Variants in KCNH1 observed in about 807,000 individuals in gnomAD.
KCNH1 encodes the protein potassium voltage-gated channel subfamily H member 1, also known as voltage-gated delayed rectifier potassium channel KCNH1.
In KCNH1, 27 loss-of-function variants were observed where a neutral mutation model predicts 69.2. The observed-to-expected ratio is 0.39, with a 90% confidence interval of 0.29 to 0.54. The LOEUF is 0.54. KCNH1 is among the 20% of genes least tolerant of loss of function. The pLI is 0.68. For synonymous variants in KCNH1, 456 were observed against 487.7 expected (o/e 0.93, Z 0.86); for missense variants, 798 against 1,261.6 (o/e 0.63, Z 5.57).
At chr1:210,790,454 C>T (rs779979474) in intron 9 of KCNH1, among the ~76,000 whole-genome samples, 11 of 152,182 alleles carry the variant, frequency 7.2e-5, no homozygotes, top group Non-Finnish European at 1.6e-4. Flanking sequence ...CTGCTTACAA[C>T]CTTACAGACT....
At chr1:210,789,116 G>A (rs1472066921) in intron 9 of KCNH1, among the ~76,000 whole-genome samples, 4 of 152,166 alleles carry the variant, frequency 2.6e-5, no homozygotes, top group South Asian at 4.1e-4. Context: ...CTCCCTCTGT[G>A]CTAAGCATGA....
intron 7 of KCNH1, among the ~76,000 whole-genome samples, chr1:210,909,215 G>A (rs1333249107): frequency 1.3e-5 from 2 of 152,226 alleles, no homozygotes; most frequent in Non-Finnish European, 2.9e-5. Context: ...TTTTCTTCTT[G>A]ATATTTAGTT....
At chr1:210,897,102 T>C (rs747147365) in intron 7 of KCNH1, among the ~76,000 whole-genome samples, 22 of 152,196 alleles carry the variant, frequency 1.4e-4, no homozygotes, top group Non-Finnish European at 2.9e-4. Flanking sequence ...GAGCTCTCAC[T>C]AAGCCCATAC....
chr1:211,005,728 G>T (rs1261601904), intron 6 of KCNH1, among the ~76,000 whole-genome samples: 2 of 151,938 alleles, frequency 1.3e-5, no homozygotes, highest in Admixed American at 1.3e-4. Flanking sequence ...GCACATAAAT[G>T]AAAAATTGAT....
chr1:210,715,582 T>C (rs188103445), intron 10 of KCNH1, among the ~76,000 whole-genome samples: 3 of 152,010 alleles, frequency 2.0e-5, no homozygotes, highest in Admixed American at 2.0e-4. Context: ...TAATCTTTCA[T>C]AAAAACATCC....
chr1:210,807,546 A>G (rs1268156053), intron 7 of KCNH1, among the ~76,000 whole-genome samples: 1 of 151,936 alleles, frequency 6.6e-6, no homozygotes, highest in Non-Finnish European at 1.5e-5. Context: ...TGGGAGGTGC[A>G]TGTTGCGTGA....
chr1:211,044,775 G>A (rs919618191), intron 5 of KCNH1, among the ~76,000 whole-genome samples: 4 of 151,978 alleles, frequency 2.6e-5, no homozygotes, highest in African/African-American at 9.7e-5. Context: ...TGGATGTGGT[G>A]AAAAGGAAAC....
At chr1:211,070,245 C>G (rs984537332) in intron 5 of KCNH1, among the ~76,000 whole-genome samples, 1 of 151,416 alleles carries the variant, frequency 6.6e-6, no homozygotes, top group Non-Finnish European at 1.5e-5. Flanking sequence ...AGTGAAACCC[C>G]GTCTCTACTA....
intron 6 of KCNH1, among the ~76,000 whole-genome samples, chr1:210,954,993 T>C (rs1305551405): frequency 6.6e-6 from 1 of 152,230 alleles, no homozygotes; most frequent in African/African-American, 2.4e-5. Flanking sequence ...ATGTCCTGAA[T>C]GGTATTGCCT....
At chr1:211,118,248 G>A (rs1467558774) in intron 1 of KCNH1, among the ~76,000 whole-genome samples, 1 of 152,188 alleles carries the variant, frequency 6.6e-6, no homozygotes, top group Non-Finnish European at 1.5e-5. Flanking sequence ...GTGTATATAT[G>A]TATCTTTTAC....
In KCNH1 at chr1:210,678,693, T is replaced by G. The variant is rs1403210093; in HGVS notation, c.*4588A>C. ...TGAGGTGTCGGTGAAATGTCGGATG[T>G]GGACAGTCTCCAACTGATGCACAAA... On this transcript the variant is annotated 3_prime_UTR_variant, in exon 11 of 11. Coordinates refer to ENST00000271751, the MANE Select transcript of KCNH1 (RefSeq NM_172362.3). 6.6e-6 allele frequency: 1 copy of G among 152,228 alleles called. No homozygotes were observed. Among genetic ancestry groups the G allele is most frequent in the Admixed American group, 6.5e-5 (1 of 15,284 alleles). 9.4% of individuals were successfully genotyped at this position (152,228 alleles called of 1,614,324 possible). A position where few individuals can be genotyped will look rare whatever the true frequency, so the allele number is the denominator to read the frequency against.
At chr1:210,985,973 T>C (rs1014655021) in intron 6 of KCNH1, among the ~76,000 whole-genome samples, 7 of 152,210 alleles carry the variant, frequency 4.6e-5, no homozygotes, top group Non-Finnish European at 1.0e-4. Flanking sequence ...GCTCCTGTAT[T>C]GGGTGCATAT....
rs11119588 is a variant in KCNH1, at chr1:210,746,333, T to A, written c.2112+29015A>T. Among the ~76,000 whole-genome samples, 122 of 151,610 alleles carry A rather than the reference T, an allele frequency of 8.0e-4. 2 individuals are homozygous for A. The East Asian group carries it at 0.022, about 28-fold the overall frequency. The stretch of plus-strand genomic sequence containing the variant: ...ATTGTATGAGTAAAGCAGAGATGCC[T>A]CCCCTTTCATTTTACAGATGAGGAA... On this transcript the variant is annotated intron_variant, in intron 10 of 10. Transcript: ENST00000271751.
At chr1:210,777,816 G>A (rs753358990) in intron 9 of KCNH1, among the ~76,000 whole-genome samples, 1 of 152,188 alleles carries the variant, frequency 6.6e-6, no homozygotes, top group East Asian at 1.9e-4. Context: ...ACATCAAGAG[G>A]TGAAGTCTAA....
At chr1:210,888,318 C>A (rs760617610) in intron 7 of KCNH1, among the ~76,000 whole-genome samples, 64 of 151,816 alleles carry the variant, frequency 4.2e-4, no homozygotes, top group Admixed American at 2.6e-3. Flanking sequence ...ACCGGGTAAA[C>A]AACAAAATTA....
At chr1:210,907,453 G>A (rs1158787898) in intron 7 of KCNH1, among the ~76,000 whole-genome samples, 1 of 151,884 alleles carries the variant, frequency 6.6e-6, no homozygotes, top group Non-Finnish European at 1.5e-5. Context: ...ATGAGGAGAA[G>A]GAAAGGGAGA....
At chr1:210,691,433 T>C (rs923793302) in intron 10 of KCNH1, among the ~76,000 whole-genome samples, 2 of 152,256 alleles carry the variant, frequency 1.3e-5, no homozygotes, top group South Asian at 4.1e-4. Flanking sequence ...ATTTTTCAAA[T>C]AATGAAACCG....
intron 10 of KCNH1, among the ~76,000 whole-genome samples, chr1:210,736,346 C>T (rs1464221445): frequency 2.0e-5 from 3 of 152,066 alleles, no homozygotes; most frequent in African/African-American, 7.2e-5. Context: ...GTCGGGAGTT[C>T]GAGACCAGCC....
At chr1:210,859,485 A>T (rs1279307777) in intron 7 of KCNH1, 1 of 1,606,936 alleles carries the variant, frequency 6.2e-7, no homozygotes, top group African/African-American at 1.3e-5. Flanking sequence ...CTTCAGCATC[A>T]CCTTCTTCCC....
Sources: allele counts gnomAD v4.1 joint callset (sites outside exome capture counted in the v4.1 genomes callset), GRCh38; gene constraint gnomAD v4.1.1; transcripts MANE v1.5; gene names NCBI Gene and HGNC (gene_info 2026-07-23, HGNC 2026-07-21).